Variants in CFAP20DC observed in about 807,000 individuals in gnomAD.
CFAP20DC encodes CFAP20 domain containing.
A neutral mutation model predicts 101.7 loss-of-function variants in CFAP20DC; 84 were observed. That is an observed-to-expected ratio of 0.83 (90% CI 0.69 to 0.99). The LOEUF (loss-of-function observed/expected upper bound fraction) is 0.99. Among genes scored for constraint, CFAP20DC ranks in the 50% least tolerant of loss-of-function variants. CFAP20DC has a pLI of 0.00. For synonymous variants in CFAP20DC, 359 were observed against 351.2 expected (o/e 1.02, Z -0.25); for missense variants, 1,007 against 970.3 (o/e 1.04, Z -0.50).
At chr3:58,733,582 A>T (rs1290669923) in intron 3 of CFAP20DC, among the ~76,000 whole-genome samples, 1 of 152,246 alleles carries the variant, frequency 6.6e-6, no homozygotes, top group Non-Finnish European at 1.5e-5. Context: ...TTGTTTTAAA[A>T]AGACACTGTT....
chr3:59,025,326 T>A (rs962354388), intron 4 of CFAP20DC, among the ~76,000 whole-genome samples: 1 of 152,104 alleles, frequency 6.6e-6, no homozygotes, highest in Non-Finnish European at 1.5e-5. Flanking sequence ...AAAAGCTGCA[T>A]CTGTCTTTAG....
At chr3:59,022,392 T>C (rs913667151) in intron 4 of CFAP20DC, among the ~76,000 whole-genome samples, 3 of 152,090 alleles carry the variant, frequency 2.0e-5, no homozygotes, top group Non-Finnish European at 2.9e-5. Flanking sequence ...AGATGCTCTA[T>C]AATAGAGAAT....
intron 15 of CFAP20DC, among the ~76,000 whole-genome samples, chr3:58,802,052 A>T (rs891001342): frequency 6.6e-6 from 1 of 152,238 alleles, no homozygotes; most frequent in Non-Finnish European, 1.5e-5. Flanking sequence ...TTGTAAAAAT[A>T]GCAAGTATAA....
chr3:58,809,858 T>C (rs1401391345), intron 14 of CFAP20DC, among the ~76,000 whole-genome samples: 2 of 152,058 alleles, frequency 1.3e-5, no homozygotes, highest in African/African-American at 4.8e-5. Flanking sequence ...CAATAAAAAA[T>C]GATAAAGGGG....
intron 5 of CFAP20DC, among the ~76,000 whole-genome samples, chr3:58,935,350 A>G (rs1231523434): frequency 6.6e-6 from 1 of 151,996 alleles, no homozygotes; most frequent in African/African-American, 2.4e-5. Context: ...CATACTGCCC[A>G]AGGTAATTTA....
intron 4 of CFAP20DC, among the ~76,000 whole-genome samples, chr3:59,029,416 T>C (rs1341472317): frequency 1.3e-5 from 2 of 152,032 alleles, no homozygotes; most frequent in Admixed American, 6.6e-5. Flanking sequence ...AAAAGGGCTT[T>C]CTGAAGAAGG....
intron 4 of CFAP20DC, among the ~76,000 whole-genome samples, chr3:58,985,696 A>G (rs948361419): frequency 1.3e-5 from 2 of 152,330 alleles, no homozygotes; most frequent in South Asian, 2.1e-4. Flanking sequence ...CGTTAGCAAC[A>G]TCCCCTATTC....
chr3:59,032,186 C>T (rs1017355415), intron 4 of CFAP20DC, among the ~76,000 whole-genome samples: 29 of 152,168 alleles, frequency 1.9e-4, no homozygotes, highest in Admixed American at 9.2e-4. Context: ...ACTTTTCCCA[C>T]GGTCTTCACA....
intron 7 of CFAP20DC, among the ~76,000 whole-genome samples, chr3:58,884,152 A>T (rs1051656096): frequency 1.8e-4 from 28 of 152,082 alleles, no homozygotes; most frequent in African/African-American, 6.8e-4. Context: ...TCCCTTCTAG[A>T]CTGAGGGAGC....
In CFAP20DC at chr3:59,007,019, G is replaced by A. The variant is rs1009724400; in HGVS notation, c.278+32538C>T. On this transcript the variant is annotated intron_variant, in intron 4 of 16. Transcript: ENST00000482387. The surrounding 1 kb of genome is among the most constrained non-coding windows in gnomAD (Gnocchi z 4.4). ...TGTTAGTGGGGCACTGCGAGAGCGAGACTGGCCTTGCCAACTGTGTGGAGC... is the reference window on the plus strand; with the variant it reads ...TGTTAGTGGGGCACTGCGAGAGCGAAACTGGCCTTGCCAACTGTGTGGAGC... Among the ~76,000 whole-genome samples the A allele has an allele frequency of 6.6e-6, 1 of 152,182 alleles. No individual in the cohort carries two copies. Among genetic ancestry groups the A allele is most frequent in the African/African-American group, 2.4e-5 (1 of 41,442 alleles).
chr3:58,720,574 A>T (rs780120381), intron 3 of CFAP20DC, among the ~76,000 whole-genome samples: 1 of 152,240 alleles, frequency 6.6e-6, no homozygotes, highest in African/African-American at 2.4e-5. Context: ...TGTTTAAAGG[A>T]TAGTGCTGCC....
chr3:58,792,957 A>G (rs1297347754), intron 15 of CFAP20DC, among the ~76,000 whole-genome samples: 1 of 152,150 alleles, frequency 6.6e-6, no homozygotes, highest in Non-Finnish European at 1.5e-5. Flanking sequence ...TTAAAAGCCA[A>G]TGATGTTTCC....
At chr3:58,948,367 T>C (rs917166889) in intron 4 of CFAP20DC, among the ~76,000 whole-genome samples, 7 of 152,222 alleles carry the variant, frequency 4.6e-5, no homozygotes, top group African/African-American at 1.7e-4. Flanking sequence ...ATCTCCAGAT[T>C]TTAATCACAT....
Position 59,015,988 on chromosome 3 carries a change from C to T in CFAP20DC, c.278+23569G>A, listed in dbSNP as rs758059707. 1.4e-4 allele frequency among the ~76,000 whole-genome samples: 21 copies of T among 152,086 alleles called. No individual in the cohort carries two copies. The highest frequency in any genetic ancestry group is 2.9e-4 in the Non-Finnish European group (20 of 68,002). ...ACAAAATGCTGGGAAGAAGCCAGAT[C>T]CTGGGTTCTGGCTACCTTGTGGGTT... On this transcript the variant is annotated intron_variant, in intron 4 of 16. Transcript: ENST00000482387. This position sits in a 1 kb window ranked among gnomAD's most constrained non-coding sequence, Gnocchi z 5.4.
intron 15 of CFAP20DC, among the ~76,000 whole-genome samples, chr3:58,780,238 G>A (rs1483899116): frequency 6.6e-6 from 1 of 152,026 alleles, no homozygotes; most frequent in Non-Finnish European, 1.5e-5. Context: ...ACCTGGAAGT[G>A]AAAGAACAAT....
chr3:58,955,290 A>G (rs2090525105), intron 4 of CFAP20DC, among the ~76,000 whole-genome samples: 1 of 152,178 alleles, frequency 6.6e-6, no homozygotes, highest in Non-Finnish European at 1.5e-5. Context: ...TTTTAACTTC[A>G]TATTGCTGAA....
intron 14 of CFAP20DC, among the ~76,000 whole-genome samples, chr3:58,809,221 C>T (rs1000866957): frequency 2.0e-5 from 3 of 152,072 alleles, no homozygotes; most frequent in African/African-American, 7.2e-5. Flanking sequence ...ATCTACAGAA[C>T]TCTCCACCCC....
intron 15 of CFAP20DC, 54 bp downstream of exon 15, chr3:58,806,341 A>C (rs572463523): frequency 8.3e-7 from 1 of 1,199,556 alleles, no homozygotes; most frequent in Non-Finnish European, 1.2e-6. Flanking sequence ...AAAATGTACA[A>C]TCTTCCAACT....
At position 58,800,410 on chromosome 3, in the gene CFAP20DC, G is replaced by T. The variant is rs143798133; in HGVS notation, c.2237+5985C>A. On this transcript the variant is annotated intron_variant, in intron 15 of 16. Coordinates refer to ENST00000482387, the MANE Select transcript of CFAP20DC (RefSeq NM_001394063.1). ...TCAGGTGTATCAGAGAGACAGAACA[G>T]GGATCACCCTTGGTTTCTGGCTTAA... Among the ~76,000 whole-genome samples, 8 of 152,302 alleles carry T rather than the reference G, an allele frequency of 5.3e-5. No homozygotes were observed. The East Asian group carries it at 1.2e-3, about 22-fold the overall frequency.
Sources: gnomAD v4.1 joint callset for allele counts (sites outside exome capture counted in the v4.1 genomes callset) on GRCh38, gnomAD v4.1.1 for gene constraint, Gnocchi (gnomAD v3.1) non-coding constraint, MANE v1.5 for transcripts, NCBI Gene and HGNC (gene_info 2026-07-23, HGNC 2026-07-21) for gene names.